CNTNAP2: variants seen among roughly 807,000 people sequenced by gnomAD.
CNTNAP2 encodes the protein contactin-associated protein-like 2.
CNTNAP2 carries 98 observed loss-of-function variants against 155.2 expected under a neutral mutation model. That is an observed-to-expected ratio of 0.63 (90% CI 0.54 to 0.75). CNTNAP2 has a LOEUF of 0.75. Ranked by LOEUF, CNTNAP2 falls within the 30% of genes least tolerant of loss-of-function variation. The pLI, the probability that CNTNAP2 is intolerant of heterozygous loss-of-function variation, is 0.00. For synonymous variants in CNTNAP2, 651 were observed against 631.2 expected (o/e 1.03, Z -0.47); for missense variants, 1,727 against 1,688.1 (o/e 1.02, Z -0.40).
intron 13 of CNTNAP2, among the ~76,000 whole-genome samples, chr7:147,771,278 C>T (rs75198804): frequency 0.011 from 1,686 of 152,138 alleles, 100 homozygotes; most frequent in Admixed American, 0.088. Flanking sequence ...TCTTAATAAC[C>T]TCAGGTTAGA....
intron 1 of CNTNAP2, among the ~76,000 whole-genome samples, chr7:146,141,195 G>T (rs1526072): frequency 2.0e-5 from 3 of 151,886 alleles, no homozygotes; most frequent in African/African-American, 7.3e-5. Context: ...GTGGCACAAA[G>T]GGCACCTGTG....
intron 13 of CNTNAP2, among the ~76,000 whole-genome samples, chr7:147,777,109 A>G (rs946434045): frequency 6.6e-6 from 1 of 152,064 alleles, no homozygotes; most frequent in Non-Finnish European, 1.5e-5. Context: ...TTGTTGGTAT[A>G]TGTTATAATA....
chr7:147,860,045 G>C (rs1799109749), intron 13 of CNTNAP2, among the ~76,000 whole-genome samples: 1 of 152,132 alleles, frequency 6.6e-6, no homozygotes, highest in Non-Finnish European at 1.5e-5. Flanking sequence ...GGAGGGACCT[G>C]GTGGGAGGTG....
intron 1 of CNTNAP2, among the ~76,000 whole-genome samples, chr7:146,318,140 CAA>C (rs56687517): frequency 1.5e-4 from 17 of 113,064 alleles, no homozygotes; most frequent in Non-Finnish European, 9.7e-5. Context: ...GACTCCATCT[CAA>C]AAAAAAAAAA....
At chr7:146,575,317 A>G (rs1274993918) in intron 1 of CNTNAP2, among the ~76,000 whole-genome samples, 1 of 152,054 alleles carries the variant, frequency 6.6e-6, no homozygotes, top group African/African-American at 2.4e-5. Context: ...GGGTTTCATC[A>G]TATTGGCCAG....
chr7:147,523,748 T>A (rs1799269383), intron 11 of CNTNAP2, among the ~76,000 whole-genome samples: 1 of 152,214 alleles, frequency 6.6e-6, no homozygotes, highest in African/African-American at 2.4e-5. Context: ...ACAGCCAGGT[T>A]CCTGTCTTAC....
chr7:146,347,664 C>A (rs186059693), intron 1 of CNTNAP2, among the ~76,000 whole-genome samples: 33 of 152,282 alleles, frequency 2.2e-4, no homozygotes, highest in African/African-American at 7.7e-4. Flanking sequence ...CTCCCTGCTT[C>A]AAGCGATTCT....
rs190351709 is a variant in CNTNAP2 at position 148,066,747 on chromosome 7, C to T, written c.2384-51371C>T. On this transcript the variant is annotated intron_variant, in intron 15 of 23. Coordinates refer to ENST00000361727, the MANE Select transcript of CNTNAP2 (RefSeq NM_014141.6). ...TCTCCTGACCTCATGATCCGCCTGC[C>T]TCAACCTCCCAAAGTGCTAGGATTA... 3.4e-3 allele frequency among the ~76,000 whole-genome samples: 520 copies of T among 152,254 alleles called. 2 individuals are homozygous for T. Among genetic ancestry groups the T allele is most frequent in the African/African-American group, 0.012 (496 of 41,552 alleles).
chr7:147,361,578 T>C (rs1055667879), intron 9 of CNTNAP2, among the ~76,000 whole-genome samples: 7 of 152,214 alleles, frequency 4.6e-5, no homozygotes, highest in African/African-American at 1.7e-4. Flanking sequence ...CCTAGTTGTA[T>C]ATATTACTTC....
At chr7:147,484,674 G>C (rs1476540419) in intron 10 of CNTNAP2, among the ~76,000 whole-genome samples, 1 of 152,238 alleles carries the variant, frequency 6.6e-6, no homozygotes, top group Admixed American at 6.5e-5. Context: ...ACTGAGCCAA[G>C]CCCAGCTACA....
chr7:147,349,144 G>A (rs1795927901), intron 9 of CNTNAP2, among the ~76,000 whole-genome samples: 2 of 151,900 alleles, frequency 1.3e-5, no homozygotes, highest in Admixed American at 6.6e-5. Flanking sequence ...TCAACATTTC[G>A]ACATTCTCAA....
At chr7:147,728,286 C>T (rs1796679246) in intron 13 of CNTNAP2, among the ~76,000 whole-genome samples, 1 of 151,990 alleles carries the variant, frequency 6.6e-6, no homozygotes, top group Admixed American at 6.6e-5. Context: ...ATAAATAACT[C>T]TAATTCTGTT....
Position 146,241,608 on chromosome 7 carries a change from A to ATT in CNTNAP2, c.97+124642_97+124643dup, listed in dbSNP as rs11440591. The stretch of plus-strand genomic sequence containing the variant: ...AAGATGCCTAAGTCATTAATGTGAC[A>ATT]TTTTTTTTAGAAAGACAGCCTTCCA... On this transcript the variant is annotated intron_variant, in intron 1 of 23. Transcript: ENST00000361727. Among the ~76,000 whole-genome samples, 329 of 152,034 alleles carry ATT rather than the reference A, an allele frequency of 2.2e-3. 2 individuals carry two copies. Among genetic ancestry groups the ATT allele is most frequent in the African/African-American group, 7.7e-3 (320 of 41,450 alleles).
intron 8 of CNTNAP2, among the ~76,000 whole-genome samples, chr7:147,146,073 C>T (rs1422951661): frequency 1.3e-5 from 2 of 152,124 alleles, no homozygotes; most frequent in Non-Finnish European, 2.9e-5. Flanking sequence ...AGATAATTAT[C>T]GCACTGGTCA....
At chr7:147,551,736 G>C (rs150820737) in intron 11 of CNTNAP2, among the ~76,000 whole-genome samples, 2 of 151,608 alleles carry the variant, frequency 1.3e-5, no homozygotes, top group Non-Finnish European at 2.9e-5. Flanking sequence ...TTGCTGTTTC[G>C]GTTTGAAAAA....
chr7:147,070,581 T>A (rs1200320849), intron 4 of CNTNAP2, among the ~76,000 whole-genome samples: 1 of 152,180 alleles, frequency 6.6e-6, no homozygotes, highest in Non-Finnish European at 1.5e-5. Context: ...AGGATTTTAG[T>A]CTTTGATTTC....
chr7:147,821,481 T>A (rs1241191918), intron 13 of CNTNAP2, among the ~76,000 whole-genome samples: 1 of 152,034 alleles, frequency 6.6e-6, no homozygotes, highest in Non-Finnish European at 1.5e-5. Flanking sequence ...CAATAAATCA[T>A]AAACAAATAA....
intron 1 of CNTNAP2, among the ~76,000 whole-genome samples, chr7:146,448,554 A>G (rs935030304): frequency 2.0e-5 from 3 of 151,700 alleles, no homozygotes; most frequent in African/African-American, 4.8e-5. Context: ...ACATGTGAAT[A>G]TAGGATTTTT....
intron 11 of CNTNAP2, among the ~76,000 whole-genome samples, chr7:147,543,560 C>T (rs910436340): frequency 6.6e-6 from 1 of 152,126 alleles, no homozygotes; most frequent in Non-Finnish European, 1.5e-5. Context: ...GTTTTGCATT[C>T]TCATTCTTAT....
Sources: allele counts gnomAD v4.1 joint callset (sites outside exome capture counted in the v4.1 genomes callset), GRCh38; gene constraint gnomAD v4.1.1; transcripts MANE v1.5; gene names NCBI Gene and HGNC (gene_info 2026-07-23, HGNC 2026-07-21).